Variants in NCOA2 observed in about 807,000 individuals in gnomAD.
NCOA2 encodes nuclear receptor coactivator 2, also known as class E basic helix-loop-helix protein 75.
In NCOA2, 21 loss-of-function variants were observed where a neutral mutation model predicts 145.1. The observed-to-expected ratio is 0.14, with a 90% confidence interval of 0.10 to 0.21. The LOEUF is 0.21. Ranked by LOEUF, NCOA2 falls within the 10% of genes least tolerant of loss-of-function variation. The pLI is 1.00. For synonymous variants in NCOA2, 619 were observed against 637.5 expected, an observed-to-expected ratio of 0.97 and a Z score of 0.44; for missense variants, 1,472 against 1,837.6, an observed-to-expected ratio of 0.80 and a Z score of 3.64.
intron 2 of NCOA2, among the ~76,000 whole-genome samples, chr8:70,224,112 C>T (rs1340157023): frequency 1.3e-5 from 2 of 152,238 alleles, no homozygotes; most frequent in Non-Finnish European, 2.9e-5. Flanking sequence ...AAACAGCTAA[C>T]AGTCCCTGTC....
intron 1 of NCOA2, among the ~76,000 whole-genome samples, chr8:70,379,083 C>A (rs953457336): frequency 2.0e-5 from 3 of 151,636 alleles, no homozygotes; most frequent in Non-Finnish European, 4.4e-5. Flanking sequence ...GAAGTCTATC[C>A]CAAGATAAAT....
intron 1 of NCOA2, among the ~76,000 whole-genome samples, chr8:70,393,725 CTT>C (rs1485479999): frequency 1.3e-5 from 2 of 152,188 alleles, no homozygotes; most frequent in Non-Finnish European, 2.9e-5. Context: ...CTGGGCTCCC[CTT>C]GTCTCCTGGT....
chr8:70,358,921 C>T lies in NCOA2; in HGVS notation c.-77+44779G>A, dbSNP rs185016562. On this transcript the variant is annotated intron_variant, in intron 1 of 22. Coordinates refer to ENST00000452400, the MANE Select transcript of NCOA2 (RefSeq NM_006540.4). The stretch of plus-strand genomic sequence containing the variant: ...ACCGATTAAAAAATGAGCAAAGGAC[C>T]TGAACAGACATTTCTCCAGAGGATA... Among the ~76,000 whole-genome samples, 496 of 152,162 alleles carry T rather than the reference C, an allele frequency of 3.3e-3. 3 individuals carry two copies. The highest frequency in any genetic ancestry group is 0.011 in the African/African-American group (469 of 41,504).
intron 4 of NCOA2, among the ~76,000 whole-genome samples, chr8:70,211,742 G>C (rs1008681890): frequency 2.6e-5 from 4 of 152,146 alleles, no homozygotes; most frequent in African/African-American, 9.7e-5. Flanking sequence ...ATTAAACAAA[G>C]ACTATTCGGA....
At chr8:70,379,551 G>A (rs1371005603) in intron 1 of NCOA2, among the ~76,000 whole-genome samples, 5 of 152,088 alleles carry the variant, frequency 3.3e-5, no homozygotes, top group Non-Finnish European at 7.3e-5. Flanking sequence ...TGTTGTCACT[G>A]ACATTTTATC....
Position 70,300,421 on chromosome 8 carries a change from G to A in NCOA2, c.-76-3621C>T, listed in dbSNP as rs114414142. Among the ~76,000 whole-genome samples, 945 of 152,284 alleles carry A rather than the reference G, an allele frequency of 6.2e-3. 6 individuals carry two copies. Among genetic ancestry groups the A allele is most frequent in the African/African-American group, 0.021 (869 of 41,552 alleles). On this transcript the variant is annotated intron_variant, in intron 1 of 22. Transcript: ENST00000452400. ...CTTGTGTGATAGCTACAGTTTCCGC[G>A]TGAGTAGGGATCTAAGGGTAAAGGT... is the stretch of plus-strand genomic sequence containing the variant.
chr8:70,191,389 C>CA (rs1265193455), intron 4 of NCOA2, among the ~76,000 whole-genome samples: 2 of 152,164 alleles, frequency 1.3e-5, no homozygotes, highest in Admixed American at 6.5e-5. Flanking sequence ...GAAATAATGC[C>CA]AGTCAAAAGA....
At chr8:70,131,788 T>C in intron 16 of NCOA2, 49 bp downstream of exon 16, 1 of 1,545,258 alleles carries the variant, frequency 6.5e-7, no homozygotes, top group Non-Finnish European at 8.7e-7. Context: ...TGGACACCTC[T>C]GCGCCCATGA....
intron 21 of NCOA2, 125 bp from the exon 22 acceptor site, chr8:70,121,516 A>G: frequency 1.5e-6 from 1 of 680,374 alleles, no homozygotes; most frequent in Non-Finnish European, 2.6e-6. Flanking sequence ...GGAACTGCAG[A>G]ACAATGGCCT....
chr8:70,140,468 C>T (rs1286680918), intron 14 of NCOA2, among the ~76,000 whole-genome samples: 3 of 151,772 alleles, frequency 2.0e-5, no homozygotes. Flanking sequence ...ACCTTGCAAC[C>T]TTCAGTGAGG....
At chr8:70,124,932 G>A (rs1245584299) in intron 19 of NCOA2, 67 bp from the exon 20 acceptor site, 3 of 1,405,532 alleles carry the variant, frequency 2.1e-6, no homozygotes, top group Admixed American at 2.5e-5. Context: ...GACTGGTGGG[G>A]GGGAAAGAAC....
chr8:70,295,169 A>G (rs1826998199), intron 2 of NCOA2, among the ~76,000 whole-genome samples: 1 of 152,234 alleles, frequency 6.6e-6, no homozygotes, highest in African/African-American at 2.4e-5. Context: ...TAGTCAGCTT[A>G]TAAAATTATG....
At chr8:70,267,430 C>T (rs1405025449) in intron 2 of NCOA2, among the ~76,000 whole-genome samples, 1 of 143,122 alleles carries the variant, frequency 7.0e-6, no homozygotes, top group Non-Finnish European at 1.5e-5. Flanking sequence ...GATAGGGCCT[C>T]GCTCTGTCAC....
the NCOA2 span, among the ~76,000 whole-genome samples, chr8:70,427,479 A>C: frequency 3.0e-5 from 3 of 99,476 alleles, no homozygotes; most frequent in Non-Finnish European, 6.1e-5. Context: ...AAGCAGTTAA[A>C]TTTCCTCAGA....
chr8:70,379,825 C>G (rs1812030960), intron 1 of NCOA2, among the ~76,000 whole-genome samples: 1 of 125,664 alleles, frequency 8.0e-6, no homozygotes, highest in Admixed American at 7.4e-5. Flanking sequence ...ACTTCTGATT[C>G]TATCGTTTCT....
intron 1 of NCOA2, among the ~76,000 whole-genome samples, chr8:70,383,527 C>CA (rs1470483362): frequency 6.6e-6 from 1 of 152,070 alleles, no homozygotes; most frequent in East Asian, 1.9e-4. Context: ...TTTTCTGAGA[C>CA]AGAGTTTCGC....
intron 2 of NCOA2, among the ~76,000 whole-genome samples, chr8:70,294,935 G>A (rs976421025): frequency 3.3e-5 from 5 of 152,176 alleles, no homozygotes; most frequent in African/African-American, 1.2e-4. Flanking sequence ...TAAAATAGAT[G>A]TGAATCAGAA....
intron 1 of NCOA2, among the ~76,000 whole-genome samples, chr8:70,381,754 T>C (rs543282756): frequency 1.3e-5 from 2 of 152,336 alleles, no homozygotes; most frequent in South Asian, 4.1e-4. Context: ...CACATTTTAC[T>C]TGACATTTCC....
intron 4 of NCOA2, among the ~76,000 whole-genome samples, chr8:70,206,578 G>A (rs1311228272): frequency 6.6e-6 from 1 of 152,054 alleles, no homozygotes; most frequent in African/African-American, 2.4e-5. Flanking sequence ...AGTATCTCTA[G>A]AATCTGGAGA....
Sources: gnomAD v4.1 joint callset for allele counts (sites outside exome capture counted in the v4.1 genomes callset) on GRCh38, gnomAD v4.1.1 for gene constraint, MANE v1.5 for transcripts, NCBI Gene and HGNC (gene_info 2026-07-23, HGNC 2026-07-21) for gene names.